Variants in ZDHHC11B observed in about 807,000 individuals in gnomAD.
ZDHHC11B encodes the protein zDHHC palmitoyltransferase 11B (putative).
ZDHHC11B carries 17 observed loss-of-function variants against 42.3 expected under a neutral mutation model. That is an observed-to-expected ratio of 0.40 (90% CI 0.27 to 0.60). The LOEUF (loss-of-function observed/expected upper bound fraction) is 0.60, where lower values mean the gene tolerates loss of function less well. Among genes scored for constraint, ZDHHC11B ranks in the 20% least tolerant of loss-of-function variants. The pLI, the probability that ZDHHC11B is intolerant of heterozygous loss-of-function variation, is 0.41. For missense variants in ZDHHC11B, 262 were observed against 463.2 expected (o/e 0.57, Z 3.99); for synonymous variants, 123 against 193.5 (o/e 0.64, Z 3.02).
intron 8 of ZDHHC11B, among the ~76,000 whole-genome samples, chr5:746,241 G>A (rs1476060571): frequency 8.2e-5 from 12 of 146,526 alleles, no homozygotes; most frequent in African/African-American, 2.2e-4. Flanking sequence ...AGACTGGGGC[G>A]GCCGCCCACA....
At chr5:716,932 A>G in intron 12 of ZDHHC11B, 67 bp from the exon 13 acceptor site, 1 of 1,607,224 alleles carries the variant, frequency 6.2e-7, no homozygotes, top group Admixed American at 1.7e-5. Flanking sequence ...ATACTGCCAA[A>G]GTGCACAAAA....
At chr5:760,783 T>C (rs1400322034) in intron 4 of ZDHHC11B, among the ~76,000 whole-genome samples, 3 of 151,766 alleles carry the variant, frequency 2.0e-5, no homozygotes. Context: ...AGAGTCCACA[T>C]GTGCACCACT....
chr5:718,152 G>T (rs1204902040), intron 12 of ZDHHC11B, among the ~76,000 whole-genome samples: 1 of 151,852 alleles, frequency 6.6e-6, no homozygotes, highest in African/African-American at 2.4e-5. Flanking sequence ...AGGATTGTGA[G>T]ACATACAGGT....
intron 1 of ZDHHC11B, among the ~76,000 whole-genome samples, chr5:775,364 C>T (rs1466086063): frequency 1.3e-5 from 2 of 151,936 alleles, no homozygotes; most frequent in African/African-American, 4.8e-5. Context: ...CAGCCGCTCC[C>T]CATCTCCCTC....
At chr5:775,209 G>T (rs116147718) in intron 1 of ZDHHC11B, among the ~76,000 whole-genome samples, 1 of 150,646 alleles carries the variant, frequency 6.6e-6, no homozygotes, top group South Asian at 2.1e-4. Context: ...AGGCCAGGGC[G>T]TGACCTCTGA....
chr5:740,091 C>T (rs1404118066), intron 10 of ZDHHC11B, among the ~76,000 whole-genome samples: 1 of 141,060 alleles, frequency 7.1e-6, no homozygotes, highest in African/African-American at 2.5e-5. Flanking sequence ...GATGCAAAGA[C>T]ATAAGAATGA....
At chr5:759,280 C>G (rs573305865) in intron 4 of ZDHHC11B, among the ~76,000 whole-genome samples, 1 of 152,014 alleles carries the variant, frequency 6.6e-6, no homozygotes, top group South Asian at 2.1e-4. Context: ...GTTAACACTG[C>G]TAACCTTTCC....
intron 13 of ZDHHC11B, among the ~76,000 whole-genome samples, chr5:715,525 C>A (rs1741683706): frequency 6.6e-6 from 1 of 150,964 alleles, no homozygotes; most frequent in Admixed American, 6.6e-5. Context: ...TTTAATTTTG[C>A]AACTTCATGG....
intron 1 of ZDHHC11B, among the ~76,000 whole-genome samples, chr5:778,154 A>G (rs1222681092): frequency 7.2e-5 from 11 of 151,940 alleles, no homozygotes; most frequent in Non-Finnish European, 1.0e-4. Context: ...CCAAGTGAGA[A>G]TTAAACCACA....
At chr5:777,871 C>T (rs1030241047) in intron 1 of ZDHHC11B, among the ~76,000 whole-genome samples, 10 of 151,768 alleles carry the variant, frequency 6.6e-5, no homozygotes, top group East Asian at 3.9e-4. Flanking sequence ...GCGGGGGCGG[C>T]GCCCTTCCGG....
Position 742,798 on chromosome 5 carries a change from A to C in ZDHHC11B, c.901-1170T>G, listed in dbSNP as rs184328261. Among the ~76,000 whole-genome samples, 53 of 149,180 alleles carry C rather than the reference A, an allele frequency of 3.6e-4. 2 individuals are homozygous for C. Among genetic ancestry groups the C allele is most frequent in the Non-Finnish European group, 5.9e-5 (4 of 67,442 alleles). On this transcript the variant is annotated intron_variant, in intron 9 of 13. Coordinates refer to ENST00000508859, the MANE Select transcript of ZDHHC11B (RefSeq NM_001351303.2). ...TGTGTGCCTGTATTTTTATTTTCTT[A>C]ATGGTGACTTTTGAAGAGCAAATAT...
chr5:776,601 A>C (rs143971003), intron 1 of ZDHHC11B, among the ~76,000 whole-genome samples: 171 of 151,678 alleles, frequency 1.1e-3, no homozygotes, highest in African/African-American at 3.8e-3. Context: ...TCGCTGGTGA[A>C]TGGGACAGCA....
At chr5:745,870 C>T (rs1439752317) in intron 8 of ZDHHC11B, among the ~76,000 whole-genome samples, 8 of 149,614 alleles carry the variant, frequency 5.3e-5, no homozygotes, top group African/African-American at 1.7e-4. Flanking sequence ...CACTCCTGAG[C>T]GTGCTGAGAG....
intron 8 of ZDHHC11B, among the ~76,000 whole-genome samples, chr5:745,788 G>C (rs2127061305): frequency 6.7e-6 from 1 of 150,088 alleles, no homozygotes; most frequent in East Asian, 2.1e-4. Context: ...GATGCACAGA[G>C]ACCCCACAGT....
chr5:756,457 C>G (rs1733854552), intron 4 of ZDHHC11B, among the ~76,000 whole-genome samples: 1 of 151,838 alleles, frequency 6.6e-6, no homozygotes, highest in Admixed American at 6.6e-5. Context: ...GCCCTGCACA[C>G]ACAGCCCTGT....
In ZDHHC11B at chr5:733,021, C is replaced by T. The variant is rs536559982; in HGVS notation, c.1023+731G>A. 7.5e-4 allele frequency among the ~76,000 whole-genome samples: 114 copies of T among 151,870 alleles called. 2 individuals are homozygous for T. The highest frequency in any genetic ancestry group is 2.8e-3 in the African/African-American group (114 of 41,268). Reference sequence around the variant, plus strand: ...GCAGTGAGCCATTATCCCACCACTGCCATCCATGTTGGGTGATGGAGTGAG... The same window carrying T: ...GCAGTGAGCCATTATCCCACCACTGTCATCCATGTTGGGTGATGGAGTGAG... On this transcript the variant is annotated intron_variant, in intron 11 of 13. Coordinates refer to ENST00000508859, the MANE Select transcript of ZDHHC11B (RefSeq NM_001351303.2).
chr5:765,170 G>A lies in ZDHHC11B; in HGVS notation c.222+1528C>T, dbSNP rs535326330. ...TTGTAAATGCACCAATCAGCACTCT[G>A]TATCTAGCTAATCTGGTGGGGACTT... is the stretch of plus-strand genomic sequence containing the variant. On this transcript the variant is annotated intron_variant, in intron 4 of 13. Transcript: ENST00000508859. 1.1e-4 allele frequency among the ~76,000 whole-genome samples: 16 copies of A among 149,280 alleles called. No homozygotes were observed. The South Asian group carries it at 3.3e-3, about 31-fold the overall frequency.
At chr5:776,694 C>T (rs1319419559) in intron 1 of ZDHHC11B, among the ~76,000 whole-genome samples, 1 of 151,966 alleles carries the variant, frequency 6.6e-6, no homozygotes, top group Non-Finnish European at 1.5e-5. Context: ...CCCTGTGGAG[C>T]TCACCCAGCC....
At chr5:777,104 A>G (rs888193553) in intron 1 of ZDHHC11B, among the ~76,000 whole-genome samples, 2 of 151,900 alleles carry the variant, frequency 1.3e-5, no homozygotes, top group Admixed American at 6.6e-5. Flanking sequence ...TGAGTGTCAC[A>G]GTTCTTAAAG....
Sources: gnomAD v4.1 joint callset for allele counts (sites outside exome capture counted in the v4.1 genomes callset) on GRCh38, gnomAD v4.1.1 for gene constraint, MANE v1.5 for transcripts, NCBI Gene and HGNC (gene_info 2026-07-23, HGNC 2026-07-21) for gene names.